The following DCDC2C variants were observed in gnomAD, a reference collection of about 807,000 sequenced individuals.
DCDC2C encodes doublecortin domain containing 2C.
DCDC2C carries 44 observed loss-of-function variants against 45.0 expected under a neutral mutation model. The observed-to-expected ratio is 0.98, with a 90% CI of 0.77 to 1.26. DCDC2C has a LOEUF of 1.26. Ranked by LOEUF, DCDC2C falls within the 50% of genes most tolerant of loss-of-function variation. The pLI is 0.00. For synonymous variants in DCDC2C, 187 were observed against 178.8 expected (o/e 1.05, Z -0.37); for missense variants, 447 against 468.9 (o/e 0.95, Z 0.43).
intron 10 of DCDC2C, among the ~76,000 whole-genome samples, chr2:3,787,864 G>T (rs59375501): frequency 0.31 from 47,125 of 152,026 alleles, 7,655 homozygotes; most frequent in East Asian, 0.53. Context: ...AGAAATACTA[G>T]GAATCAGTAT....
chr2:3,766,592 G>C (rs555515117), intron 6 of DCDC2C, among the ~76,000 whole-genome samples: 3 of 152,224 alleles, frequency 2.0e-5, no homozygotes, highest in Admixed American at 6.5e-5. Flanking sequence ...AGGTTGGAGG[G>C]CTATTTTCAT....
intron 10 of DCDC2C, among the ~76,000 whole-genome samples, chr2:3,788,949 C>T (rs1670733938): frequency 6.6e-6 from 1 of 150,994 alleles, no homozygotes; most frequent in African/African-American, 2.4e-5. Context: ...CAAAAGATCT[C>T]ATGCTTCAGC....
intron 7 of DCDC2C, 48 bp downstream of exon 7, chr2:3,767,928 G>A: frequency 7.2e-7 from 1 of 1,387,480 alleles, no homozygotes; most frequent in Non-Finnish European, 9.3e-7. Context: ...ACTTTACCAG[G>A]CTGAGAACAT....
chr2:3,741,832 A>C lies in DCDC2C; in HGVS notation c.417-88A>C, dbSNP rs1036363684. The C allele has an allele frequency of 8.1e-6, 11 of 1,353,114 alleles. No homozygotes were observed. The African/African-American group carries it at 1.6e-4, about 20-fold the overall frequency. The allele number at this position is 1,353,114 out of a possible 1,614,324, so 83.8% of individuals were successfully genotyped here. ...GCTTAGTGCATCTCATTGTTTTTACAGTTCTGTAATTGTATATATATTGAA... is the reference window on the plus strand; with the variant it reads ...GCTTAGTGCATCTCATTGTTTTTACCGTTCTGTAATTGTATATATATTGAA... On this transcript the variant is annotated intron_variant, in intron 3 of 10. Coordinates refer to ENST00000399143, the MANE Select transcript of DCDC2C (RefSeq NM_001287444.2).
intron 3 of DCDC2C, among the ~76,000 whole-genome samples, chr2:3,730,374 A>G (rs1191883135): frequency 6.6e-6 from 1 of 152,232 alleles, no homozygotes; most frequent in Non-Finnish European, 1.5e-5. Flanking sequence ...GATGCAAGTC[A>G]GTGCTTTTCT....
intron 10 of DCDC2C, among the ~76,000 whole-genome samples, chr2:3,807,502 A>G (rs1194919347): frequency 6.6e-6 from 1 of 152,016 alleles, no homozygotes. Context: ...TATGATTCTC[A>G]TATGCAGGAG....
At chr2:3,712,351 C>T (rs1055016052) in intron 2 of DCDC2C, among the ~76,000 whole-genome samples, 1 of 152,080 alleles carries the variant, frequency 6.6e-6, no homozygotes, top group African/African-American at 2.4e-5. Context: ...ATCCCAGAGA[C>T]AGTATAATAC....
chr2:3,752,046 T>TACCCTGCCG (rs1005920202), intron 4 of DCDC2C, among the ~76,000 whole-genome samples: 2 of 152,118 alleles, frequency 1.3e-5, no homozygotes, highest in Admixed American at 1.3e-4. Flanking sequence ...AAATCCCACC[T>TACCCTGCCG]ACCCTGCCGA....
chr2:3,759,125 C>G (rs568483043), intron 6 of DCDC2C, among the ~76,000 whole-genome samples: 1 of 152,164 alleles, frequency 6.6e-6, no homozygotes, highest in Non-Finnish European at 1.5e-5. Context: ...GGCTCAGGGG[C>G]AATTCAGAGA....
chr2:3,841,793 C>A (rs1389812502), intron 10 of DCDC2C, among the ~76,000 whole-genome samples: 1 of 152,154 alleles, frequency 6.6e-6, no homozygotes, highest in Non-Finnish European at 1.5e-5. Context: ...TCAACCCCTG[C>A]CTTTTGCTTG....
intron 3 of DCDC2C, among the ~76,000 whole-genome samples, chr2:3,738,608 C>T (rs1669099986): frequency 6.7e-6 from 1 of 149,764 alleles, no homozygotes; most frequent in South Asian, 2.1e-4. Flanking sequence ...TAGTGATTCC[C>T]CCAGAGGGAG....
At chr2:3,785,913 G>T (rs1489089795) in intron 10 of DCDC2C, among the ~76,000 whole-genome samples, 1 of 152,126 alleles carries the variant, frequency 6.6e-6, no homozygotes, top group Non-Finnish European at 1.5e-5. Context: ...GTACCTGCCG[G>T]ATGTGTGGCT....
intron 6 of DCDC2C, among the ~76,000 whole-genome samples, chr2:3,755,319 G>T (rs1294515240): frequency 6.6e-6 from 1 of 152,142 alleles, no homozygotes; most frequent in Non-Finnish European, 1.5e-5. Flanking sequence ...ATACATGTTT[G>T]CATACGTGCA....
chr2:3,787,590 A>G (rs1670687823), intron 10 of DCDC2C, among the ~76,000 whole-genome samples: 2 of 152,258 alleles, frequency 1.3e-5, no homozygotes, highest in South Asian at 4.1e-4. Context: ...ATATTTTTAA[A>G]TGAAATTTTC....
chr2:3,703,820 CG>C lies in DCDC2C; in HGVS notation c.73del (p.Asp25ThrfsTer76). On this transcript the variant is annotated frameshift_variant, in exon 1 of 11. Coordinates refer to ENST00000399143, the MANE Select transcript of DCDC2C (RefSeq NM_001287444.2). LOFTEE classifies it high-confidence loss of function. This position sits in a 1 kb window ranked among gnomAD's most constrained non-coding sequence, Gnocchi z 4.4. ...CCAAGACCATCGTGGTGTACCGCAA[CG>C]GGGACCCGTTCTACGTGGGCAAGAA... Reference protein sequence around the residue: ...PAKTIVVYRNGDPFYVGKKFV... With the variant: ...PAKTIVVYRNXDPFYVGKKFV... The C allele has an allele frequency of 2.4e-6, 3 of 1,263,734 alleles. No individual in the cohort carries two copies. Among genetic ancestry groups the C allele is most frequent in the Non-Finnish European group, 3.0e-6 (3 of 1,000,436 alleles). 78.3% of individuals were successfully genotyped at this position (1,263,734 alleles called of 1,614,324 possible).
At chr2:3,821,774 G>C (rs924975860) in intron 10 of DCDC2C, among the ~76,000 whole-genome samples, 1 of 152,216 alleles carries the variant, frequency 6.6e-6, no homozygotes, top group African/African-American at 2.4e-5. Context: ...AGGAGGCCTG[G>C]TTCCTTTAAT....
chr2:3,834,338 C>A (rs1672022540), intron 10 of DCDC2C, among the ~76,000 whole-genome samples: 1 of 152,162 alleles, frequency 6.6e-6, no homozygotes, highest in Non-Finnish European at 1.5e-5. Flanking sequence ...AATCCCGTGT[C>A]CCCCCATCCA....
chr2:3,796,380 C>T lies in DCDC2C; in HGVS notation c.1065+11280C>T, dbSNP rs1245441704. ...TTTATTTCCTTCTCCCGCCTAATTG[C>T]CCTGGCCAGAACTTCCAACACTGTG... is the stretch of plus-strand genomic sequence containing the variant. On this transcript the variant is annotated intron_variant, in intron 10 of 10. Coordinates refer to ENST00000399143, the MANE Select transcript of DCDC2C (RefSeq NM_001287444.2). 8.3e-4 allele frequency among the ~76,000 whole-genome samples: 93 copies of T among 112,044 alleles called. 1 individual carries two copies. The highest frequency in any genetic ancestry group is 1.7e-3 in the Admixed American group (19 of 11,316). 73.5% of individuals were successfully genotyped at this position (112,044 alleles called of 152,430 possible).
At chr2:3,819,802 C>T (rs558086305) in intron 10 of DCDC2C, among the ~76,000 whole-genome samples, 10 of 152,282 alleles carry the variant, frequency 6.6e-5, no homozygotes, top group African/African-American at 1.9e-4. Flanking sequence ...TAGCTCTGGC[C>T]ACCTCTTTAA....
Sources: allele counts gnomAD v4.1 joint callset (sites outside exome capture counted in the v4.1 genomes callset), GRCh38; gene constraint gnomAD v4.1.1; non-coding constraint Gnocchi (gnomAD v3.1); transcripts MANE v1.5; gene names NCBI Gene and HGNC (gene_info 2026-07-23, HGNC 2026-07-21).